The following LGSN variants were observed in gnomAD, a reference collection of about 807,000 sequenced individuals.
LGSN encodes lengsin, lens protein with glutamine synthetase domain.
A neutral mutation model predicts 19.5 loss-of-function variants in LGSN; 21 were observed. The ratio of observed to expected loss-of-function variants is 1.07; its 90% CI spans 0.76 to 1.55. The LOEUF (loss-of-function observed/expected upper bound fraction) is 1.55. Ranked by LOEUF, LGSN falls within the 40% of genes most tolerant of loss-of-function variation. LGSN has a pLI of 0.00. For synonymous variants in LGSN, 257 were observed against 215.6 expected, an observed-to-expected ratio of 1.19 and a Z score of -1.68; for missense variants, 673 against 608.5, an observed-to-expected ratio of 1.11 and a Z score of -1.12.
chr6:63,333,272 A>G, the LGSN span, among the ~76,000 whole-genome samples: 1 of 151,920 alleles, frequency 6.6e-6, no homozygotes, highest in Admixed American at 6.6e-5. Flanking sequence ...CCAACACAGA[A>G]AAAGCTGAGG....
chr6:63,390,078 T>A, the LGSN span, among the ~76,000 whole-genome samples: 1,070 of 150,790 alleles, frequency 7.1e-3, 9 homozygotes, highest in African/African-American at 0.024. Context: ...TAAAGAATAA[T>A]TCTACAGCTG....
the LGSN span, among the ~76,000 whole-genome samples, chr6:63,368,598 C>T: frequency 6.6e-6 from 1 of 152,234 alleles, no homozygotes; most frequent in Non-Finnish European, 1.5e-5. Context: ...CCCCACTCCA[C>T]ACACGCAGCA....
At chr6:63,395,023 G>T in the LGSN span, 1 of 157,846 alleles carries the variant, frequency 6.3e-6, no homozygotes. Flanking sequence ...ATGCACTTGA[G>T]GCCTGGGTCC....
Position 63,280,277 on chromosome 6 carries a change from G to T in LGSN, c.1274C>A (p.Ala425Asp). ...NPYLVLAATV[A>D]AGLDGLHSSN... is the part of the protein sequence containing the mutation. The stretch of plus-strand genomic sequence containing the variant: ...GCTATGAAGTCCATCTAAGCCGGCA[G>T]CAACAGTTGCAGCCAGCACCAAGTA... Residue 425 changes from alanine (A) to aspartate (D), a missense_variant, in exon 4 of 4, where the codon GCT (alanine) becomes GAT (aspartate). Transcript: ENST00000370657. 1 of 1,614,238 alleles carries T rather than the reference G, an allele frequency of 6.2e-7. No individual in the cohort carries two copies. The highest frequency in any genetic ancestry group is 2.2e-5 in the East Asian group (1 of 44,884).
the LGSN span, among the ~76,000 whole-genome samples, chr6:63,522,767 A>G: frequency 6.6e-6 from 1 of 152,096 alleles, no homozygotes; most frequent in Admixed American, 6.6e-5. Flanking sequence ...GTTTTCTACC[A>G]TGGAAGATTC....
At chr6:63,366,765 G>C in the LGSN span, among the ~76,000 whole-genome samples, 1 of 152,224 alleles carries the variant, frequency 6.6e-6, no homozygotes, top group Non-Finnish European at 1.5e-5. Flanking sequence ...GAACAGAATA[G>C]AGCCCTTGGA....
chr6:63,512,619 C>T, the LGSN span, among the ~76,000 whole-genome samples: 1 of 152,122 alleles, frequency 6.6e-6, no homozygotes, highest in East Asian at 1.9e-4. Flanking sequence ...TATGAGACTA[C>T]CATGATTAGC....
intron 2 of LGSN, among the ~76,000 whole-genome samples, chr6:63,290,167 T>A (rs1286042713): frequency 1.3e-5 from 2 of 152,202 alleles, no homozygotes; most frequent in Non-Finnish European, 2.9e-5. Flanking sequence ...TTAAATTATG[T>A]ATATGTATTG....
chr6:63,334,031 A>G, the LGSN span, among the ~76,000 whole-genome samples: 1 of 152,240 alleles, frequency 6.6e-6, no homozygotes, highest in East Asian at 1.9e-4. Flanking sequence ...AAATAGGAAA[A>G]AGTTGAATGC....
chr6:63,529,135 G>GTA, the LGSN span, among the ~76,000 whole-genome samples: 11,656 of 133,740 alleles, frequency 0.087, 803 homozygotes, highest in East Asian at 0.16. Context: ...ATATATGTGT[G>GTA]TGTATATATA....
chr6:63,521,695 C>T, the LGSN span: 1 of 152,210 alleles, frequency 6.6e-6, no homozygotes, highest in Admixed American at 6.5e-5. Context: ...GCCTCCCCTA[C>T]AGTAACTCAT....
the LGSN span, among the ~76,000 whole-genome samples, chr6:63,417,607 T>C: frequency 6.6e-6 from 1 of 152,212 alleles, no homozygotes. Context: ...AACTATACTA[T>C]GGCTTAACAC....
At chr6:63,511,950 A>G in the LGSN span, among the ~76,000 whole-genome samples, 23 of 152,312 alleles carry the variant, frequency 1.5e-4, no homozygotes, top group South Asian at 4.3e-3. Context: ...GCAGATGCAG[A>G]TTGAAAAAAT....
the LGSN span, among the ~76,000 whole-genome samples, chr6:63,539,618 T>C: frequency 6.6e-6 from 1 of 151,816 alleles, no homozygotes; most frequent in South Asian, 2.1e-4. Flanking sequence ...TCTACTAAAA[T>C]ACAAAAAATA....
the LGSN span, among the ~76,000 whole-genome samples, chr6:63,340,635 T>G: frequency 6.6e-6 from 1 of 151,868 alleles, no homozygotes; most frequent in African/African-American, 2.4e-5. Context: ...TAATGATATC[T>G]ATCTCTTTGT....
chr6:63,534,161 T>C, the LGSN span, among the ~76,000 whole-genome samples: 3 of 152,076 alleles, frequency 2.0e-5, no homozygotes, highest in African/African-American at 7.2e-5. Context: ...ATTTTTTTAA[T>C]GTGGAAACTG....
At chr6:63,455,178 T>C in the LGSN span, among the ~76,000 whole-genome samples, 1 of 152,268 alleles carries the variant, frequency 6.6e-6, no homozygotes, top group East Asian at 1.9e-4. Context: ...AAAAAACAAA[T>C]AGCTCAGCGC....
At chr6:63,467,055 G>A in the LGSN span, among the ~76,000 whole-genome samples, 14 of 152,034 alleles carry the variant, frequency 9.2e-5, no homozygotes, top group African/African-American at 2.7e-4. Flanking sequence ...AAAAATTCAG[G>A]TCGGAGGACT....
the LGSN span, among the ~76,000 whole-genome samples, chr6:63,559,718 C>G: frequency 6.6e-6 from 1 of 151,770 alleles, no homozygotes; most frequent in Non-Finnish European, 1.5e-5. Context: ...GCACTCCAGC[C>G]TGGGTGACAG....
Sources: gnomAD v4.1 joint callset for allele counts (sites outside exome capture counted in the v4.1 genomes callset) on GRCh38, gnomAD v4.1.1 for gene constraint, MANE v1.5 for transcripts, NCBI Gene and HGNC (gene_info 2026-07-23, HGNC 2026-07-21) for gene names.